Variants in COL19A1 observed in about 807,000 individuals in gnomAD.
COL19A1 encodes collagen type XIX alpha 1 chain.
A neutral mutation model predicts 190.2 loss-of-function variants in COL19A1; 159 were observed. The observed-to-expected ratio is 0.84, with a 90% confidence interval of 0.73 to 0.95. The LOEUF is 0.95. Among genes scored for constraint, COL19A1 ranks in the 40% least tolerant of loss-of-function variants. COL19A1 has a pLI of 0.00. For synonymous variants in COL19A1, 509 were observed against 458.9 expected (o/e 1.11, Z -1.39); for missense variants, 1,418 against 1,431.9 (o/e 0.99, Z 0.16).
intron 9 of COL19A1, among the ~76,000 whole-genome samples, chr6:69,955,522 AGTGTGT>A (rs60501043): frequency 0.036 from 5,066 of 138,906 alleles, 92 homozygotes; most frequent in East Asian, 0.067. Flanking sequence ...GCCACAGCAA[AGTGTGT>A]GTGTGTGTGT....
At position 70,035,981 on chromosome 6, in the gene COL19A1, A is replaced by G. The variant is rs754047547; in HGVS notation, c.1170+42A>G. The G allele has an allele frequency of 1.9e-6, 3 of 1,569,310 alleles. No individual in the cohort carries two copies. In the South Asian group the frequency reaches 3.3e-5, roughly 17 times the overall value. On this transcript the variant is annotated intron_variant, in intron 14 of 50. Transcript: ENST00000620364. Reference sequence around the variant, plus strand: ...TCAAAATTCAAAATTGAAATCCATTATTCTGTTTATTATCCATATTACATC... The same window carrying G: ...TCAAAATTCAAAATTGAAATCCATTGTTCTGTTTATTATCCATATTACATC...
chr6:69,900,878 C>T (rs948482138), intron 4 of COL19A1, among the ~76,000 whole-genome samples: 12 of 151,932 alleles, frequency 7.9e-5, no homozygotes, highest in African/African-American at 2.7e-4. Flanking sequence ...AAAGTTTTCC[C>T]TTACTTTTTC....
At chr6:70,095,405 A>G (rs963414132) in intron 15 of COL19A1, among the ~76,000 whole-genome samples, 4 of 152,306 alleles carry the variant, frequency 2.6e-5, no homozygotes, top group East Asian at 1.9e-4. Context: ...ATTATCTAAC[A>G]TTTTTATATA....
intron 14 of COL19A1, among the ~76,000 whole-genome samples, chr6:70,058,384 A>G (rs1780630893): frequency 6.6e-6 from 1 of 152,046 alleles, no homozygotes; most frequent in Admixed American, 6.6e-5. Context: ...CTGGTTTACT[A>G]CAATTGGTAA....
At chr6:70,134,304 A>T (rs72916747) in intron 18 of COL19A1, among the ~76,000 whole-genome samples, 21,996 of 152,190 alleles carry the variant, frequency 0.14, 1,673 homozygotes, top group Middle Eastern at 0.17. Flanking sequence ...TAGGAAAAAA[A>T]ATGGCTTCTC....
chr6:69,944,927 A>G (rs556607761), intron 9 of COL19A1, among the ~76,000 whole-genome samples: 1 of 152,018 alleles, frequency 6.6e-6, no homozygotes, highest in East Asian at 1.9e-4. Flanking sequence ...TTTCATTTAG[A>G]CTCAATTGTA....
intron 14 of COL19A1, among the ~76,000 whole-genome samples, chr6:70,041,095 A>G (rs1428982186): frequency 1.3e-5 from 2 of 152,212 alleles, no homozygotes; most frequent in Non-Finnish European, 2.9e-5. Context: ...TTACACACAC[A>G]AAAAAGAAAG....
chr6:70,207,023 T>G, intron 50 of COL19A1, 45 bp downstream of exon 50: 1 of 1,608,270 alleles, frequency 6.2e-7, no homozygotes, highest in Non-Finnish European at 8.5e-7. Context: ...CCTTTACAAA[T>G]TAGAACCATG....
chr6:70,139,382 G>A (rs1786097024), intron 19 of COL19A1, among the ~76,000 whole-genome samples: 1 of 151,954 alleles, frequency 6.6e-6, no homozygotes, highest in Admixed American at 6.6e-5. Context: ...GGCAGTCCAT[G>A]TATCTCATGA....
chr6:69,928,146 C>A, intron 5 of COL19A1, 114 bp downstream of exon 5: 2 of 1,333,372 alleles, frequency 1.5e-6, no homozygotes, highest in South Asian at 3.0e-5. Flanking sequence ...ATGTTCTATC[C>A]TTTAGAGGGA....
At chr6:69,913,369 A>C (rs765100229) in intron 4 of COL19A1, among the ~76,000 whole-genome samples, 1 of 152,242 alleles carries the variant, frequency 6.6e-6, no homozygotes, top group Non-Finnish European at 1.5e-5. Flanking sequence ...GAATAGAAAC[A>C]GTCCCCTCCA....
At chr6:70,121,508 T>C (rs1019024747) in intron 16 of COL19A1, among the ~76,000 whole-genome samples, 4 of 152,214 alleles carry the variant, frequency 2.6e-5, no homozygotes, top group Non-Finnish European at 5.9e-5. Context: ...CACAGTTCTA[T>C]AGTACATTGA....
chr6:69,939,022 G>A (rs554804547), intron 9 of COL19A1, among the ~76,000 whole-genome samples: 8 of 152,176 alleles, frequency 5.3e-5, no homozygotes, highest in South Asian at 2.1e-4. Flanking sequence ...GACAGGAGAC[G>A]GAAGTCTGAG....
intron 15 of COL19A1, 22 bp from the exon 16 acceptor site, chr6:70,102,147 T>C: frequency 6.2e-7 from 1 of 1,600,186 alleles, no homozygotes; most frequent in South Asian, 1.1e-5. Context: ...GTATTTATCA[T>C]CTATTCTTCT....
In COL19A1 at chr6:70,102,342, GA is replaced by G. The variant is rs1194265421; in HGVS notation, c.1278+121del. ...TTTCCTTTATTCTACTGTTTAGAAT[GA>G]CTGGTTTCAGCATTTGGATGAGTAG... On this transcript the variant is annotated intron_variant, in intron 16 of 50. Coordinates refer to ENST00000620364, the MANE Select transcript of COL19A1 (RefSeq NM_001858.6). 4.1e-5 allele frequency: 32 copies of G among 772,674 alleles called. No individual in the cohort carries two copies. In the African/African-American group the frequency reaches 5.2e-4, roughly 13 times the overall value. The allele number at this position is 772,674 out of a possible 1,614,324, so 47.9% of individuals were successfully genotyped here.
At chr6:69,985,060 G>A (rs1361841163) in intron 11 of COL19A1, among the ~76,000 whole-genome samples, 1 of 152,064 alleles carries the variant, frequency 6.6e-6, no homozygotes, top group Admixed American at 6.6e-5. Flanking sequence ...TTGTAGTTGG[G>A]ATCAGAATAC....
chr6:70,113,803 G>GTCACTT (rs1784408814), intron 16 of COL19A1, among the ~76,000 whole-genome samples: 2 of 144,030 alleles, frequency 1.4e-5, no homozygotes, highest in African/African-American at 5.2e-5. Flanking sequence ...TCCCATTCTG[G>GTCACTT]TCACTTTCCT....
At chr6:70,023,397 A>G (rs1390847501) in intron 11 of COL19A1, among the ~76,000 whole-genome samples, 5 of 152,058 alleles carry the variant, frequency 3.3e-5, no homozygotes, top group Non-Finnish European at 7.4e-5. Flanking sequence ...CGGCCTCCCA[A>G]AGTGCTAGGA....
At chr6:70,119,236 A>G (rs1439018859) in intron 16 of COL19A1, among the ~76,000 whole-genome samples, 1 of 152,194 alleles carries the variant, frequency 6.6e-6, no homozygotes, top group Non-Finnish European at 1.5e-5. Flanking sequence ...ACAGACTAGG[A>G]GAAATGTTTT....
Sources: allele counts gnomAD v4.1 joint callset (sites outside exome capture counted in the v4.1 genomes callset), GRCh38; gene constraint gnomAD v4.1.1; transcripts MANE v1.5; gene names NCBI Gene and HGNC (gene_info 2026-07-23, HGNC 2026-07-21).